The following CERT1 variants were observed in gnomAD, a reference collection of about 807,000 sequenced individuals.
The protein encoded by CERT1 is ceramide transporter 1, also known as ceramide transfer protein.
CERT1 carries 31 observed loss-of-function variants against 87.9 expected under a neutral mutation model. That is an observed-to-expected ratio of 0.35 (90% CI 0.27 to 0.48). CERT1 has a LOEUF of 0.48. Ranked by LOEUF, CERT1 falls within the 20% of genes least tolerant of loss-of-function variation. CERT1 has a pLI of 0.99. For synonymous variants in CERT1, 289 were observed against 250.9 expected (o/e 1.15, Z -1.44); for missense variants, 487 against 758.0 (o/e 0.64, Z 4.20).
At position 75,378,628 on chromosome 5, in the gene CERT1, T is replaced by C. The variant is rs1761424856; in HGVS notation, c.*718A>G. The C allele has an allele frequency of 6.6e-6, 1 of 152,116 alleles. No homozygotes were observed. Among genetic ancestry groups the C allele is most frequent in the Non-Finnish European group, 1.5e-5 (1 of 68,032 alleles). The allele number at this position is 152,116 out of a possible 1,614,324, so 9.4% of individuals were successfully genotyped here. On this transcript the variant is annotated 3_prime_UTR_variant, in exon 17 of 17. Coordinates refer to ENST00000643780, the MANE Select transcript of CERT1 (RefSeq NM_001379029.1). ...AAAGAAAGATAGTCAAGATACATTG[T>C]TAAGTGAAAAAAAGGTTATAAAACA...
intron 11 of CERT1, among the ~76,000 whole-genome samples, chr5:75,395,590 G>A (rs1347761775): frequency 3.3e-5 from 5 of 149,988 alleles, no homozygotes; most frequent in Non-Finnish European, 7.4e-5. Context: ...TGCTGGGCAT[G>A]GTGTCTCAGG....
chr5:75,372,741 T>C (rs929554574), intron 17 of CERT1: 2 of 152,216 alleles, frequency 1.3e-5, no homozygotes, highest in Non-Finnish European at 2.9e-5. Flanking sequence ...AATCCCATCA[T>C]TAAATTATTA....
chr5:75,440,459 G>A (rs1282638132), intron 3 of CERT1, among the ~76,000 whole-genome samples: 1 of 151,842 alleles, frequency 6.6e-6, no homozygotes, highest in Non-Finnish European at 1.5e-5. Context: ...TCAAATCCTA[G>A]TCATTCCTGT....
Position 75,384,772 on chromosome 5 carries a change from C to T in CERT1, c.1418-60G>A. ...CTTTTCCTAGAATGTGATCAATTCA[C>T]TTATGTTGAAAGTCAAGTACGAATG... On this transcript the variant is annotated intron_variant, in intron 13 of 16. Coordinates refer to ENST00000643780, the MANE Select transcript of CERT1 (RefSeq NM_001379029.1). 1.1e-5 allele frequency: 13 copies of T among 1,131,582 alleles called. No individual in the cohort carries two copies. The South Asian group carries it at 1.7e-4, about 15-fold the overall frequency. The allele number at this position is 1,131,582 out of a possible 1,614,324, so 70.1% of individuals were successfully genotyped here. A position where few individuals can be genotyped will look rare whatever the true frequency, so the allele number is the denominator to read the frequency against.
At chr5:75,417,090 A>G in intron 6 of CERT1, 57 bp from the exon 7 acceptor site, 1 of 1,309,704 alleles carries the variant, frequency 7.6e-7, no homozygotes, top group African/African-American at 1.5e-5. Context: ...ATTCATCACA[A>G]TTTAAGATTA....
chr5:75,381,235 C>A, intron 15 of CERT1, 34 bp from the exon 16 acceptor site: 1 of 1,611,846 alleles, frequency 6.2e-7, no homozygotes, highest in East Asian at 2.2e-5. Context: ...TCAGTAGATA[C>A]CCAGTATTTT....
intron 14 of CERT1, 28 bp downstream of exon 14, chr5:75,384,614 C>T (rs768359124): frequency 6.7e-7 from 1 of 1,495,756 alleles, no homozygotes. Context: ...CATTGAAATC[C>T]TTTTAGGATG....
chr5:75,384,786 C>A, intron 13 of CERT1, 74 bp from the exon 14 acceptor site: 2 of 989,926 alleles, frequency 2.0e-6, no homozygotes, highest in Non-Finnish European at 1.6e-6. Context: ...TGTTGAAAGT[C>A]AAGTACGAAT....
intron 3 of CERT1, among the ~76,000 whole-genome samples, chr5:75,445,577 A>G (rs192036829): frequency 6.6e-6 from 1 of 152,274 alleles, no homozygotes; most frequent in Admixed American, 6.5e-5. Context: ...CTCCTGCCTC[A>G]GCCTTCCAAG....
chr5:75,409,516 A>C (rs1762843132), intron 8 of CERT1, among the ~76,000 whole-genome samples: 1 of 152,028 alleles, frequency 6.6e-6, no homozygotes, highest in Non-Finnish European at 1.5e-5. Flanking sequence ...TAAACTGCTC[A>C]TTTCAGAAAT....
chr5:75,496,132 A>G (rs1181141781), intron 2 of CERT1, among the ~76,000 whole-genome samples: 1 of 152,086 alleles, frequency 6.6e-6, no homozygotes, highest in African/African-American at 2.4e-5. Flanking sequence ...CTCATAACTC[A>G]ACATTAAGAC....
At chr5:75,421,953 G>A (rs1411768513) in intron 5 of CERT1, among the ~76,000 whole-genome samples, 1 of 152,094 alleles carries the variant, frequency 6.6e-6, no homozygotes, top group East Asian at 1.9e-4. Context: ...TACAATATTT[G>A]TTTTCCCCTT....
chr5:75,403,980 C>T lies in CERT1; in HGVS notation c.931-922G>A, dbSNP rs1762604071. On this transcript the variant is annotated intron_variant, in intron 8 of 16. Transcript: ENST00000643780. Reference sequence around the variant, plus strand: ...ATGAACCAAGTAAGTGGAACAACAGCTTTGTATTATGATAAAAGTAGAGAC... The same window carrying T: ...ATGAACCAAGTAAGTGGAACAACAGTTTTGTATTATGATAAAAGTAGAGAC... 5.3e-5 allele frequency among the ~76,000 whole-genome samples: 8 copies of T among 152,144 alleles called. No individual in the cohort carries two copies. In the South Asian group the frequency reaches 1.7e-3, roughly 32 times the overall value.
intron 16 of CERT1, among the ~76,000 whole-genome samples, chr5:75,380,325 G>C (rs1282605747): frequency 6.6e-6 from 1 of 152,184 alleles, no homozygotes; most frequent in Non-Finnish European, 1.5e-5. Context: ...GAATGTCAAA[G>C]AGAAATAAAT....
At chr5:75,436,527 T>C (rs991432832) in intron 3 of CERT1, among the ~76,000 whole-genome samples, 1 of 152,178 alleles carries the variant, frequency 6.6e-6, no homozygotes, top group Non-Finnish European at 1.5e-5. Flanking sequence ...TCCCTTTCCT[T>C]TCTTTCTTTT....
intron 2 of CERT1, among the ~76,000 whole-genome samples, chr5:75,461,371 G>A (rs112660001): frequency 3.7e-4 from 57 of 152,280 alleles, no homozygotes; most frequent in African/African-American, 8.9e-4. Context: ...GATCTGAGGT[G>A]GAAGAGTTTC....
chr5:75,381,721 G>A (rs748343784), intron 15 of CERT1, among the ~76,000 whole-genome samples: 8 of 151,866 alleles, frequency 5.3e-5, no homozygotes, highest in African/African-American at 9.7e-5. Context: ...GCTGTTTCAC[G>A]AAACATTAGA....
chr5:75,462,173 CA>C (rs1765259592), intron 2 of CERT1, among the ~76,000 whole-genome samples: 1 of 152,008 alleles, frequency 6.6e-6, no homozygotes, highest in South Asian at 2.1e-4. Context: ...TAGAAAGAAA[CA>C]AATGTAGGAT....
intron 2 of CERT1, chr5:75,505,684 T>A (rs1178939346): frequency 5.4e-6 from 1 of 185,796 alleles, no homozygotes; most frequent in East Asian, 1.3e-4. Context: ...TTCAGTAACC[T>A]ACAAAGTAAC....
Sources: allele counts gnomAD v4.1 joint callset (sites outside exome capture counted in the v4.1 genomes callset), GRCh38; gene constraint gnomAD v4.1.1; transcripts MANE v1.5; gene names NCBI Gene and HGNC (gene_info 2026-07-23, HGNC 2026-07-21).